NRDC: variants seen among roughly 807,000 people sequenced by gnomAD.
NRDC encodes the protein nardilysin convertase, also known as nardilysin.
Under a neutral mutation model 147.1 loss-of-function variants are expected in NRDC, and 54 were observed. That is an observed-to-expected ratio of 0.37 (90% confidence interval 0.29 to 0.46). The LOEUF (loss-of-function observed/expected upper bound fraction) is 0.46, where lower values mean the gene tolerates loss of function less well. Ranked by LOEUF, NRDC falls within the 20% of genes least tolerant of loss-of-function variation. The pLI, the probability that NRDC is intolerant of heterozygous loss-of-function variation, is 1.00. For synonymous variants in NRDC, 440 were observed against 482.1 expected (o/e 0.91, Z 1.14); for missense variants, 1,082 against 1,370.6 (o/e 0.79, Z 3.33).
chr1:51,877,934 T>G, intron 1 of NRDC: 4 of 897,564 alleles, frequency 4.5e-6, no homozygotes, highest in Non-Finnish European at 5.7e-6. Flanking sequence ...AATTAAAGTA[T>G]CCAACTCCGT....
chr1:51,827,813 A>C lies in NRDC; in HGVS notation c.923T>G (p.Val308Gly). 1 of 1,613,928 alleles carries C rather than the reference A, an allele frequency of 6.2e-7. No homozygotes were observed. Among genetic ancestry groups the C allele is most frequent in the East Asian group, 2.2e-5 (1 of 44,824 alleles). The change falls in exon 5 of 31, where the codon GTT becomes GGT. Residue 308 changes from valine (V) to glycine (G), a missense_variant. Transcript: ENST00000352171. ...CCTCTTACCACTATCAACAGCTTCA[A>C]CTTCACGGTCAATTGCATCTCTGAT... ...LMIRDAIDRE[V>G]EAVDSEYQLA...
At chr1:51,800,486 C>A (rs932419008) in intron 21 of NRDC, 70 bp downstream of exon 21, 5 of 1,547,846 alleles carry the variant, frequency 3.2e-6, no homozygotes, top group Non-Finnish European at 4.4e-6. Flanking sequence ...CCTTAACCCC[C>A]ACACCCACCC....
At chr1:51,847,226 C>G (rs1230524725) in intron 1 of NRDC, among the ~76,000 whole-genome samples, 1 of 152,216 alleles carries the variant, frequency 6.6e-6, no homozygotes, top group Non-Finnish European at 1.5e-5. Context: ...GAGCTAGGCA[C>G]AGAGTGCTGA....
At chr1:51,801,482 A>G (rs1453327815) in intron 20 of NRDC, among the ~76,000 whole-genome samples, 1 of 151,744 alleles carries the variant, frequency 6.6e-6, no homozygotes, top group Non-Finnish European at 1.5e-5. Context: ...GATTACTGGT[A>G]CTATGGGGGA....
chr1:51,861,853 C>T (rs900082808), intron 1 of NRDC, among the ~76,000 whole-genome samples: 2 of 152,138 alleles, frequency 1.3e-5, no homozygotes, highest in Non-Finnish European at 2.9e-5. Flanking sequence ...CACACGCACA[C>T]ATTTATATGC....
intron 1 of NRDC, among the ~76,000 whole-genome samples, chr1:51,850,711 T>A (rs1301367618): frequency 6.6e-6 from 1 of 152,160 alleles, no homozygotes; most frequent in Non-Finnish European, 1.5e-5. Flanking sequence ...AGCAAAAGGA[T>A]CTGCGGGCAC....
At chr1:51,834,740 A>C (rs1427345104) in intron 3 of NRDC, among the ~76,000 whole-genome samples, 1 of 152,216 alleles carries the variant, frequency 6.6e-6, no homozygotes, top group East Asian at 1.9e-4. Flanking sequence ...ACTTATAAAG[A>C]GATCACAAAT....
At chr1:51,863,035 A>AAC (rs1682628377) in intron 1 of NRDC, among the ~76,000 whole-genome samples, 1 of 150,766 alleles carries the variant, frequency 6.6e-6, no homozygotes, top group East Asian at 1.9e-4. Flanking sequence ...AAAAAAAAAA[A>AAC]AAACAAGCAA....
At chr1:51,797,990 G>A (rs376668256) in intron 22 of NRDC, 14 of 391,066 alleles carry the variant, frequency 3.6e-5, no homozygotes, top group African/African-American at 2.8e-4. Context: ...GACTGGTCTC[G>A]AAATCCTGAC....
intron 1 of NRDC, among the ~76,000 whole-genome samples, chr1:51,865,931 C>T (rs925039871): frequency 6.6e-6 from 1 of 151,658 alleles, no homozygotes; most frequent in Non-Finnish European, 1.5e-5. Context: ...TGGTGGCAGG[C>T]ACCTGTAGTT....
At chr1:51,826,426 T>C (rs1435765784) in intron 5 of NRDC, among the ~76,000 whole-genome samples, 1 of 152,110 alleles carries the variant, frequency 6.6e-6, no homozygotes, top group African/African-American at 2.4e-5. Context: ...TTAGAGACCA[T>C]ATTTGGAAAG....
At chr1:51,851,774 A>C (rs1476871919) in intron 1 of NRDC, among the ~76,000 whole-genome samples, 12 of 152,182 alleles carry the variant, frequency 7.9e-5, no homozygotes, top group Non-Finnish European at 1.5e-5. Context: ...AATTCACTTG[A>C]CTAAATTAAA....
rs762527591 is a variant in NRDC at position 51,814,103 on chromosome 1, A to C, written c.1620-14T>G. The C allele has an allele frequency of 1.6e-5, 24 of 1,525,532 alleles. No homozygotes were observed. In the Admixed American group the frequency reaches 4.0e-4, roughly 26 times the overall value. The allele number at this position is 1,525,532 out of a possible 1,614,324, so 94.5% of individuals were successfully genotyped here. A position where few individuals can be genotyped will look rare whatever the true frequency, so the allele number is the denominator to read the frequency against. On this transcript the variant is annotated splice_polypyrimidine_tract_variant and intron_variant, in intron 13 of 30. Coordinates refer to ENST00000352171, the MANE Select transcript of NRDC (RefSeq NM_001101662.2). ...TCTTCAAAAATTCTGTGAAGGAGAA[A>C]ACTATAATTAGAAGATACATTAAAA...
chr1:51,861,539 T>A (rs998646484), intron 1 of NRDC, among the ~76,000 whole-genome samples: 1 of 151,630 alleles, frequency 6.6e-6, no homozygotes, highest in Admixed American at 6.6e-5. Context: ...AGAGACGTGG[T>A]TTCACCATGT....
At chr1:51,854,124 C>T (rs1307023401) in intron 1 of NRDC, among the ~76,000 whole-genome samples, 5 of 152,156 alleles carry the variant, frequency 3.3e-5, no homozygotes, top group Non-Finnish European at 7.4e-5. Flanking sequence ...AATCCCAGCA[C>T]TTTGGGAGGC....
At position 51,809,247 on chromosome 1, in the gene NRDC, A is replaced by T. The variant is rs867665413; in HGVS notation, c.1990+68T>A. 1.2e-5 allele frequency: 11 copies of T among 937,344 alleles called. No individual in the cohort carries two copies. In the Middle Eastern group the frequency reaches 1.9e-3, roughly 166 times the overall value. The allele number at this position is 937,344 out of a possible 1,614,324, so 58.1% of individuals were successfully genotyped here. A position where few individuals can be genotyped will look rare whatever the true frequency, so the allele number is the denominator to read the frequency against. On this transcript the variant is annotated intron_variant, in intron 17 of 30. Transcript: ENST00000352171. ...AAATTCCTACGATACTTTGTAAAATATAATGTGCTATACAGGTGCCTATTA... is the reference window on the plus strand; with the variant it reads ...AAATTCCTACGATACTTTGTAAAATTTAATGTGCTATACAGGTGCCTATTA...
In NRDC at chr1:51,816,394, T is replaced by A. The variant is rs770717503; in HGVS notation, c.1362-5A>T. ...ATATAATGAAGTGGCTTCACCCTTT[T>A]AAAAAAATTTAATGGTCAGAAGAAA... On this transcript the variant is annotated splice_region_variant and splice_polypyrimidine_tract_variant and intron_variant, in intron 10 of 30. Coordinates refer to ENST00000352171, the MANE Select transcript of NRDC (RefSeq NM_001101662.2). 1.6e-5 allele frequency: 25 copies of A among 1,549,330 alleles called. No individual in the cohort carries two copies. The highest frequency in any genetic ancestry group is 2.8e-5 in the African/African-American group (2 of 72,624).
At chr1:51,876,835 T>C (rs900232696) in intron 1 of NRDC, among the ~76,000 whole-genome samples, 6 of 152,244 alleles carry the variant, frequency 3.9e-5, no homozygotes, top group African/African-American at 1.2e-4. Context: ...TAGGGGCTTA[T>C]AACAAATTTA....
intron 1 of NRDC, among the ~76,000 whole-genome samples, chr1:51,857,545 T>C (rs532744763): frequency 6.6e-6 from 1 of 152,334 alleles, no homozygotes; most frequent in East Asian, 1.9e-4. Context: ...ACTCACGATG[T>C]CCATTGCTTT....
Sources: gnomAD v4.1 joint callset for allele counts (sites outside exome capture counted in the v4.1 genomes callset) on GRCh38, gnomAD v4.1.1 for gene constraint, MANE v1.5 for transcripts, NCBI Gene and HGNC (gene_info 2026-07-23, HGNC 2026-07-21) for gene names.